TRPM3: variants seen among roughly 807,000 people sequenced by gnomAD.
TRPM3 encodes the protein long transient receptor potential channel 3.
A neutral mutation model predicts 181.2 loss-of-function variants in TRPM3; 77 were observed. That is an observed-to-expected ratio of 0.42 (90% CI 0.35 to 0.51). TRPM3 has a LOEUF of 0.51. TRPM3 is among the 20% of genes least tolerant of loss of function. The pLI is 0.01. For missense variants in TRPM3, 1,759 were observed against 2,196.7 expected (o/e 0.80, Z 3.98); for synonymous variants, 745 against 796.4 (o/e 0.94, Z 1.09).
intron 1 of TRPM3, among the ~76,000 whole-genome samples, chr9:70,921,245 A>C (rs751477818): frequency 6.6e-6 from 1 of 152,194 alleles, no homozygotes; most frequent in Non-Finnish European, 1.5e-5. Flanking sequence ...AGCACATTTA[A>C]ATAAAATTTT....
At chr9:71,221,619 T>C (rs6560191) in intron 1 of TRPM3, among the ~76,000 whole-genome samples, 61,238 of 151,890 alleles carry the variant, frequency 0.4, 13,178 homozygotes, top group East Asian at 0.52. Flanking sequence ...TAATAGTGGC[T>C]CATTGCTGGC....
At chr9:71,156,134 G>A (rs953950114) in intron 1 of TRPM3, among the ~76,000 whole-genome samples, 1 of 152,002 alleles carries the variant, frequency 6.6e-6, no homozygotes, top group Non-Finnish European at 1.5e-5. Context: ...CTCTGTTGGG[G>A]TTCTTTGACC....
chr9:70,997,537 A>G (rs774079898), intron 1 of TRPM3, among the ~76,000 whole-genome samples: 3 of 152,168 alleles, frequency 2.0e-5, no homozygotes, highest in Non-Finnish European at 4.4e-5. Context: ...CCTTTTCAAA[A>G]TATGACTTTT....
chr9:70,541,728 C>T (rs1172761052), intron 25 of TRPM3, among the ~76,000 whole-genome samples: 4 of 152,164 alleles, frequency 2.6e-5, no homozygotes, highest in Non-Finnish European at 5.9e-5. Flanking sequence ...TCAGGCTTGT[C>T]TTGAACTCCC....
At chr9:70,665,202 G>T (rs12351044) in intron 9 of TRPM3, among the ~76,000 whole-genome samples, 40,782 of 151,266 alleles carry the variant, frequency 0.27, 5,676 homozygotes, top group South Asian at 0.33. Context: ...AGCATTGTTT[G>T]TTTTTTTCCT....
intron 6 of TRPM3, among the ~76,000 whole-genome samples, chr9:70,804,623 T>C (rs1182968338): frequency 6.6e-6 from 1 of 152,138 alleles, no homozygotes; most frequent in African/African-American, 2.4e-5. Context: ...TTCTTTGCTA[T>C]TTCCTCCTTA....
At chr9:70,790,335 C>T (rs1266202636) in intron 6 of TRPM3, among the ~76,000 whole-genome samples, 1 of 152,102 alleles carries the variant, frequency 6.6e-6, no homozygotes, top group African/African-American at 2.4e-5. Flanking sequence ...AGGGGATTTG[C>T]ACTTTAAGTG....
At chr9:70,644,502 C>T (rs1388430018) in intron 9 of TRPM3, among the ~76,000 whole-genome samples, 1 of 152,144 alleles carries the variant, frequency 6.6e-6, no homozygotes, top group East Asian at 1.9e-4. Context: ...CAATAAAATT[C>T]AACACCCCTT....
intron 1 of TRPM3, among the ~76,000 whole-genome samples, chr9:71,141,399 C>T (rs72731789): frequency 0.065 from 9,948 of 152,128 alleles, 380 homozygotes; most frequent in East Asian, 0.085. Context: ...CAAAAACCAC[C>T]CCTACAGTTC....
At chr9:70,606,629 T>TTGTGTGTG (rs774974386) in intron 19 of TRPM3, among the ~76,000 whole-genome samples, 10 of 141,342 alleles carry the variant, frequency 7.1e-5, no homozygotes, top group Non-Finnish European at 1.2e-4. Flanking sequence ...CATGCTTTAA[T>TTGTGTGTG]TGTGTGTGTG....
At chr9:70,975,085 T>C (rs1256090582) in intron 1 of TRPM3, among the ~76,000 whole-genome samples, 1 of 152,016 alleles carries the variant, frequency 6.6e-6, no homozygotes, top group Non-Finnish European at 1.5e-5. Flanking sequence ...GCAAGGCTAG[T>C]CTTGAACTCC....
intron 5 of TRPM3, among the ~76,000 whole-genome samples, chr9:70,838,023 G>T (rs927950963): frequency 7.9e-5 from 12 of 152,108 alleles, no homozygotes; most frequent in African/African-American, 2.7e-4. Context: ...TCAAATAAAA[G>T]CTCAATAAAT....
intron 1 of TRPM3, among the ~76,000 whole-genome samples, chr9:71,270,266 C>T (rs1471603918): frequency 4.6e-5 from 7 of 152,168 alleles, no homozygotes. Context: ...AGAAGAATCG[C>T]TTGAACCTGG....
chr9:71,232,929 C>G (rs765758796), intron 1 of TRPM3, among the ~76,000 whole-genome samples: 1 of 152,210 alleles, frequency 6.6e-6, no homozygotes, highest in Non-Finnish European at 1.5e-5. Flanking sequence ...CGTTTTCACA[C>G]TGCTTCACTG....
chr9:70,558,403 C>T (rs79031214), intron 22 of TRPM3, among the ~76,000 whole-genome samples: 5,004 of 152,204 alleles, frequency 0.033, 261 homozygotes, highest in African/African-American at 0.11. Context: ...ATTTTGGGCA[C>T]CTCATTGCTG....
At chr9:71,065,548 G>T (rs1442872735) in intron 1 of TRPM3, among the ~76,000 whole-genome samples, 3 of 152,068 alleles carry the variant, frequency 2.0e-5, no homozygotes, top group Non-Finnish European at 4.4e-5. Context: ...AAACAATGGG[G>T]CCAAAATGTA....
chr9:70,744,821 A>T (rs2074852776), intron 8 of TRPM3, among the ~76,000 whole-genome samples: 1 of 152,194 alleles, frequency 6.6e-6, no homozygotes, highest in Non-Finnish European at 1.5e-5. Context: ...CTTTACCGTC[A>T]TTTTAACTTG....
chr9:71,140,997 G>A (rs1329778), intron 1 of TRPM3, among the ~76,000 whole-genome samples: 108,197 of 152,082 alleles, frequency 0.71, 39,975 homozygotes, highest in Middle Eastern at 0.88. Context: ...AAGACACTTG[G>A]TATTCAGCTT....
intron 6 of TRPM3, chr9:70,826,427 G>A (rs760042895): frequency 1.3e-5 from 2 of 152,162 alleles, no homozygotes; most frequent in Non-Finnish European, 2.9e-5. Flanking sequence ...GACAGTTTGG[G>A]AAGGAAATTT....
Sources: allele counts gnomAD v4.1 joint callset (sites outside exome capture counted in the v4.1 genomes callset), GRCh38; gene constraint gnomAD v4.1.1; transcripts MANE v1.5; gene names NCBI Gene and HGNC (gene_info 2026-07-23, HGNC 2026-07-21).